The following NCOA6 variants were observed in gnomAD, a reference collection of about 807,000 sequenced individuals.
NCOA6 encodes nuclear receptor coactivator 6.
NCOA6 carries 49 observed loss-of-function variants against 171.4 expected under a neutral mutation model. The ratio of observed to expected loss-of-function variants is 0.29; its 90% CI spans 0.23 to 0.36. The LOEUF is 0.36. Ranked by LOEUF, NCOA6 falls within the 10% of genes least tolerant of loss-of-function variation. The pLI, the probability that NCOA6 is intolerant of heterozygous loss-of-function variation, is 1.00. For missense variants in NCOA6, 2,248 were observed against 2,554.5 expected, an observed-to-expected ratio of 0.88 and a Z score of 2.59; for synonymous variants, 910 against 927.5, an observed-to-expected ratio of 0.98 and a Z score of 0.34.
intron 13 of NCOA6, among the ~76,000 whole-genome samples, chr20:34,732,108 G>A (rs1283075666): frequency 6.6e-6 from 1 of 152,238 alleles, no homozygotes; most frequent in African/African-American, 2.4e-5. Flanking sequence ...TCATTTTGTA[G>A]GGTTATGTGG....
At chr20:34,773,685 G>A (rs950699148) in intron 4 of NCOA6, among the ~76,000 whole-genome samples, 16 of 152,230 alleles carry the variant, frequency 1.1e-4, no homozygotes, top group African/African-American at 2.6e-4. Context: ...CACCATGCTC[G>A]GCTAATTTTT....
chr20:34,810,683 G>A (rs2078626875), intron 1 of NCOA6, among the ~76,000 whole-genome samples: 1 of 152,070 alleles, frequency 6.6e-6, no homozygotes, highest in Admixed American at 6.6e-5. Flanking sequence ...AGCCTCCCGA[G>A]TAGCTGGGAC....
intron 14 of NCOA6, among the ~76,000 whole-genome samples, chr20:34,726,429 T>C (rs377316396): frequency 2.5e-4 from 38 of 152,024 alleles, no homozygotes; most frequent in African/African-American, 8.9e-4. Context: ...TAGTTGACCA[T>C]GGAAACATGG....
intron 1 of NCOA6, among the ~76,000 whole-genome samples, chr20:34,804,039 T>C (rs998799139): frequency 7.4e-5 from 11 of 147,898 alleles, no homozygotes; most frequent in African/African-American, 2.5e-4. Flanking sequence ...ATTCCATCTC[T>C]ACAAAAATAA....
intron 2 of NCOA6, among the ~76,000 whole-genome samples, chr20:34,784,897 A>G (rs2077625382): frequency 6.6e-6 from 1 of 152,090 alleles, no homozygotes; most frequent in African/African-American, 2.4e-5. Context: ...CCTGGTCAAC[A>G]TGGTGAAACC....
chr20:34,745,107 A>AT (rs2076265277), intron 10 of NCOA6, among the ~76,000 whole-genome samples: 1 of 152,214 alleles, frequency 6.6e-6, no homozygotes, highest in South Asian at 2.1e-4. Flanking sequence ...CACAAACTGA[A>AT]TTTATTACTC....
At chr20:34,740,052 G>A (rs2076082772) in intron 11 of NCOA6, among the ~76,000 whole-genome samples, 1 of 152,092 alleles carries the variant, frequency 6.6e-6, no homozygotes, top group Admixed American at 6.5e-5. Flanking sequence ...TAGTACAGAT[G>A]CAGTTTCACC....
intron 1 of NCOA6, chr20:34,821,332 G>C (rs557220557): frequency 6.6e-6 from 1 of 152,304 alleles, no homozygotes; most frequent in African/African-American, 2.4e-5. Flanking sequence ...TACAAAAACA[G>C]ATCGTGGGCC....
intron 5 of NCOA6, among the ~76,000 whole-genome samples, chr20:34,763,863 C>G (rs1246258367): frequency 3.3e-5 from 5 of 152,156 alleles, no homozygotes; most frequent in African/African-American, 1.2e-4. Context: ...AAAATTCTGG[C>G]TTCATGAAGA....
chr20:34,754,653 C>T (rs2076591314), intron 8 of NCOA6, 69 bp downstream of exon 8: 1 of 1,579,824 alleles, frequency 6.3e-7, no homozygotes, highest in African/African-American at 1.3e-5. Context: ...TCTGTATACT[C>T]CTGTTGTCTA....
rs567577209 is a variant in NCOA6, at chr20:34,762,521, A to C, written c.515-3588T>G. On this transcript the variant is annotated intron_variant, in intron 5 of 14. Transcript: ENST00000359003. ...CTATTTTCCTGAATTTTACTGGATT[A>C]ATTTTTTTTCATCATGGTCATCCTC... is the stretch of plus-strand genomic sequence containing the variant. Among the ~76,000 whole-genome samples the C allele has an allele frequency of 3.9e-5, 6 of 151,936 alleles. No homozygotes were observed. The South Asian group carries it at 8.3e-4, about 21-fold the overall frequency.
In NCOA6 at chr20:34,795,040, G is replaced by T. The variant is rs951999676; in HGVS notation, c.-163-2477C>A. Among the ~76,000 whole-genome samples the T allele has an allele frequency of 2.0e-5, 3 of 152,066 alleles. 1 individual carries two copies. The highest frequency in any genetic ancestry group is 2.0e-4 in the Admixed American group (3 of 15,270). ...AAGCAATTTACAGCCTTTTTAGAAG[G>T]GTTCATCCTCGGTAGAGCGGCAAAG... On this transcript the variant is annotated intron_variant, in intron 1 of 14. Transcript: ENST00000359003.
intron 1 of NCOA6, 81 bp downstream of exon 1, chr20:34,825,391 C>T (rs1205635943): frequency 6.7e-6 from 1 of 149,958 alleles, no homozygotes; most frequent in African/African-American, 2.4e-5. Context: ...GCGGCGCCTC[C>T]TCCCCGCGAA....
intron 4 of NCOA6, among the ~76,000 whole-genome samples, chr20:34,769,524 C>A (rs1014048302): frequency 9.9e-5 from 15 of 152,086 alleles, no homozygotes; most frequent in South Asian, 4.2e-4. Context: ...CCACCACGCC[C>A]AGCTAATTTT....
intron 2 of NCOA6, among the ~76,000 whole-genome samples, chr20:34,783,619 C>A (rs1404231620): frequency 6.6e-6 from 1 of 151,912 alleles, no homozygotes; most frequent in Non-Finnish European, 1.5e-5. Flanking sequence ...AACTATAATA[C>A]AACATTGATT....
chr20:34,783,908 G>A (rs909749191), intron 2 of NCOA6, among the ~76,000 whole-genome samples: 1 of 152,064 alleles, frequency 6.6e-6, no homozygotes, highest in South Asian at 2.1e-4. Flanking sequence ...ACAGGCGTGA[G>A]CCACCTTTTA....
chr20:34,739,901 T>C (rs766545685), intron 11 of NCOA6, among the ~76,000 whole-genome samples: 7 of 152,234 alleles, frequency 4.6e-5, no homozygotes, highest in Non-Finnish European at 1.0e-4. Flanking sequence ...TCTCGCTCTG[T>C]TGCCCAGGCT....
chr20:34,790,622 T>C (rs1266692357), intron 2 of NCOA6, among the ~76,000 whole-genome samples: 4 of 152,138 alleles, frequency 2.6e-5, no homozygotes, highest in Non-Finnish European at 5.9e-5. Flanking sequence ...CCCAAAGTGC[T>C]GGGACCACAG....
intron 7 of NCOA6, 47 bp from the exon 8 acceptor site, chr20:34,754,915 T>C (rs1458998059): frequency 6.3e-7 from 1 of 1,597,564 alleles, no homozygotes; most frequent in East Asian, 2.2e-5. Flanking sequence ...AAATTTATAC[T>C]CTTGCTTAGA....
Sources: gnomAD v4.1 joint callset for allele counts (sites outside exome capture counted in the v4.1 genomes callset) on GRCh38, gnomAD v4.1.1 for gene constraint, MANE v1.5 for transcripts, NCBI Gene and HGNC (gene_info 2026-07-23, HGNC 2026-07-21) for gene names.